The following RBM43 variants were observed in gnomAD, a reference collection of about 807,000 sequenced individuals.
RBM43 encodes the protein RNA-binding protein 43.
RBM43 carries 12 observed loss-of-function variants against 12.4 expected under a neutral mutation model. The ratio of observed to expected loss-of-function variants is 0.97; its 90% CI spans 0.62 to 1.57. The LOEUF is 1.57. RBM43 is among the 40% of genes most tolerant of loss of function. The probability of loss-of-function intolerance (pLI) is 0.00; values close to 1 mark genes in which losing one functional copy is unlikely to be tolerated. For synonymous variants in RBM43, 138 were observed against 145.7 expected, an observed-to-expected ratio of 0.95 and a Z score of 0.38; for missense variants, 348 against 400.1, an observed-to-expected ratio of 0.87 and a Z score of 1.11.
Position 151,255,579 on chromosome 2 carries a change from C to T in RBM43, c.168G>A (p.Pro56=), listed in dbSNP as rs2105191421. The T allele has an allele frequency of 1.1e-5, 17 of 1,613,572 alleles. No individual in the cohort carries two copies. Among genetic ancestry groups the T allele is most frequent in the African/African-American group, 1.3e-5 (1 of 74,886 alleles). ...EGGDVEDVIY[P]TRTKGVAYVI... Reference sequence around the variant, plus strand: ...CATATGCAACTCCCTTGGTTCTTGTCGGATATATCACATCTTCAACATCTC... The same window carrying T: ...CATATGCAACTCCCTTGGTTCTTGTTGGATATATCACATCTTCAACATCTC... Residue 56 remains proline (P), a synonymous_variant, in exon 2 of 4, where the codon CCG becomes CCA. Coordinates refer to ENST00000331426, the MANE Select transcript of RBM43 (RefSeq NM_198557.3).
At chr2:151,257,071 A>G (rs895238714) in intron 1 of RBM43, among the ~76,000 whole-genome samples, 5 of 152,170 alleles carry the variant, frequency 3.3e-5, no homozygotes, top group Non-Finnish European at 7.4e-5. Flanking sequence ...AGCCTCATTT[A>G]GGGAAGTGGA....
At position 151,251,121 on chromosome 2, in the gene RBM43, G is replaced by A. The variant is rs1682896184; in HGVS notation, c.859C>T (p.Leu287Phe). 1 of 1,613,392 alleles carries A rather than the reference G, an allele frequency of 6.2e-7. No homozygotes were observed. Among genetic ancestry groups the A allele is most frequent in the East Asian group, 2.2e-5 (1 of 44,864 alleles). ...KELIEEWSHA[L>F]YLKLRKETFI... ...GTCTCTTTTCTAAGCTTTAAGTAAA[G>A]AGCATGTGACCATTCCTCAATGAGC... The change falls in exon 4 of 4, where the codon CTT (leucine) becomes TTT (phenylalanine). Residue 287 changes from leucine to phenylalanine, a missense_variant. Coordinates refer to ENST00000331426, the MANE Select transcript of RBM43 (RefSeq NM_198557.3).
At chr2:151,258,908 T>G (rs2880489) in intron 1 of RBM43, among the ~76,000 whole-genome samples, 48,324 of 151,872 alleles carry the variant, frequency 0.32, 8,835 homozygotes, top group South Asian at 0.44. Context: ...TTTGGGAGGA[T>G]GAGGCGGGCA....
chr2:151,261,627 C>T, intron 1 of RBM43, 98 bp downstream of exon 1: 1 of 1,550,668 alleles, frequency 6.4e-7, no homozygotes. Context: ...AGCCCTGCAC[C>T]CTGGCCCGTC....
At chr2:151,259,922 G>A (rs1002064929) in intron 1 of RBM43, among the ~76,000 whole-genome samples, 2 of 151,834 alleles carry the variant, frequency 1.3e-5, no homozygotes, top group Non-Finnish European at 1.5e-5. Context: ...CTGGAGTGCA[G>A]TGGCGCGATC....
At chr2:151,253,460 G>A (rs771929599) in intron 2 of RBM43, among the ~76,000 whole-genome samples, 2 of 152,030 alleles carry the variant, frequency 1.3e-5, no homozygotes, top group Non-Finnish European at 1.5e-5. Flanking sequence ...GACCCAAACT[G>A]AACTGTTGAT....
At position 151,252,210 on chromosome 2, in the gene RBM43, C is replaced by T. The variant is rs113371217; in HGVS notation, c.315+545G>A. ...CTGGCATCATCCATGACAGTATAAG[C>T]GTTTACCATCACTTTAAAAGCATTA... On this transcript the variant is annotated intron_variant, in intron 3 of 3. Coordinates refer to ENST00000331426, the MANE Select transcript of RBM43 (RefSeq NM_198557.3). 6.6e-5 allele frequency among the ~76,000 whole-genome samples: 10 copies of T among 152,240 alleles called. 1 individual carries two copies. The highest frequency in any genetic ancestry group is 2.4e-4 in the African/African-American group (10 of 41,544).
intron 1 of RBM43, among the ~76,000 whole-genome samples, chr2:151,258,075 AAAAG>A (rs1158729416): frequency 6.6e-6 from 1 of 152,174 alleles, no homozygotes; most frequent in African/African-American, 2.4e-5. Flanking sequence ...ATCTAAAAAA[AAAAG>A]AAAGAAAGAA....
rs1682965996 is a variant in RBM43, at chr2:151,255,875, G to A, written c.4-132C>T. ...GCAGCTGGTTAGATACTTTTTAAAA[G>A]GGGTGTAGGGGAGTAAATCCTTGCC... is the stretch of plus-strand genomic sequence containing the variant. On this transcript the variant is annotated intron_variant, in intron 1 of 3. Coordinates refer to ENST00000331426, the MANE Select transcript of RBM43 (RefSeq NM_198557.3). 7.7e-6 allele frequency: 5 copies of A among 646,258 alleles called. No homozygotes were observed. The East Asian group carries it at 8.2e-5, about 11-fold the overall frequency. The allele number at this position is 646,258 out of a possible 1,614,324, so 40.0% of individuals were successfully genotyped here.
intron 2 of RBM43, 53 bp from the exon 3 acceptor site, chr2:151,252,908 T>A (rs1682924083): frequency 2.4e-6 from 2 of 833,018 alleles, no homozygotes; most frequent in Non-Finnish European, 3.8e-6. Flanking sequence ...CACTAATAAT[T>A]TTTTAATAAA....
chr2:151,250,803 T>C lies in RBM43; in HGVS notation c.*103A>G, dbSNP rs1022241002. 10 of 797,838 alleles carry C rather than the reference T, an allele frequency of 1.3e-5. No homozygotes were observed. The highest frequency in any genetic ancestry group is 4.9e-5 in the Admixed American group (2 of 41,098). 49.4% of individuals were successfully genotyped at this position (797,838 alleles called of 1,614,324 possible). A position where few individuals can be genotyped will look rare whatever the true frequency, so the allele number is the denominator to read the frequency against. On this transcript the variant is annotated 3_prime_UTR_variant, in exon 4 of 4. Transcript: ENST00000331426. ...CAACACTGACAAAGAAGGATGACTA[T>C]AAGGATTCATGAGATACGGTGTGTA...
intron 1 of RBM43, chr2:151,261,034 C>G (rs574645494): frequency 2.0e-6 from 1 of 495,310 alleles, no homozygotes. Flanking sequence ...TCAATGACGA[C>G]GCCTCTACCG....
intron 1 of RBM43, among the ~76,000 whole-genome samples, chr2:151,257,888 G>A (rs759125113): frequency 2.0e-5 from 3 of 152,008 alleles, no homozygotes; most frequent in Non-Finnish European, 2.9e-5. Flanking sequence ...TGGCCAACAT[G>A]GTGAAATGCC....
At chr2:151,259,365 G>A (rs1683017289) in intron 1 of RBM43, among the ~76,000 whole-genome samples, 1 of 152,096 alleles carries the variant, frequency 6.6e-6, no homozygotes, top group Non-Finnish European at 1.5e-5. Flanking sequence ...CTTAAAAAAG[G>A]CCAGGTGCAG....
intron 1 of RBM43, among the ~76,000 whole-genome samples, chr2:151,256,450 A>C (rs535406308): frequency 6.6e-6 from 1 of 152,236 alleles, no homozygotes; most frequent in East Asian, 1.9e-4. Context: ...TACATTGTAG[A>C]GTCTAAAGTA....
At chr2:151,260,108 C>A (rs991565151) in intron 1 of RBM43, among the ~76,000 whole-genome samples, 2 of 150,370 alleles carry the variant, frequency 1.3e-5, no homozygotes, top group Non-Finnish European at 3.0e-5. Context: ...TCGTGATCCG[C>A]TCCCCCCTCG....
chr2:151,255,836 A>C, intron 1 of RBM43, 93 bp from the exon 2 acceptor site: 1 of 946,150 alleles, frequency 1.1e-6, no homozygotes, highest in South Asian at 1.5e-5. Context: ...ATCTTATTCT[A>C]TAAAAGTGCC....
intron 1 of RBM43, 149 bp downstream of exon 1, chr2:151,261,576 G>A: frequency 6.5e-7 from 1 of 1,538,928 alleles, no homozygotes; most frequent in Non-Finnish European, 8.8e-7. Flanking sequence ...CGGGGCCCCC[G>A]GGGTCCCTGG....
intron 2 of RBM43, among the ~76,000 whole-genome samples, chr2:151,254,817 A>T (rs957161225): frequency 3.3e-5 from 5 of 151,080 alleles, no homozygotes; most frequent in African/African-American, 1.2e-4. Flanking sequence ...CAGATACTAT[A>T]TTAGAATATC....
Sources: gnomAD v4.1 joint callset for allele counts (sites outside exome capture counted in the v4.1 genomes callset) on GRCh38, gnomAD v4.1.1 for gene constraint, MANE v1.5 for transcripts, NCBI Gene and HGNC (gene_info 2026-07-23, HGNC 2026-07-21) for gene names.